The following PGCKA1 variants were observed in gnomAD, a reference collection of about 807,000 sequenced individuals.
The protein encoded by PGCKA1 is PDCD10 and GCKIII kinases associated 1.
chr4:37,539,952 A>G, the PGCKA1 span, among the ~76,000 whole-genome samples: 2 of 152,160 alleles, frequency 1.3e-5, no homozygotes, highest in Admixed American at 6.5e-5. Flanking sequence ...AACATTCAAA[A>G]GCCTCTCTTC....
At chr4:37,530,854 G>A in the PGCKA1 span, among the ~76,000 whole-genome samples, 31,799 of 151,764 alleles carry the variant, frequency 0.21, 3,448 homozygotes, top group Non-Finnish European at 0.24. Flanking sequence ...GTGTGGTGGT[G>A]GGCACCTGTA....
At chr4:37,517,250 T>G in the PGCKA1 span, among the ~76,000 whole-genome samples, 1 of 146,802 alleles carries the variant, frequency 6.8e-6, no homozygotes, top group African/African-American at 2.5e-5. Context: ...AAACTCCATC[T>G]CAAAAAATAT....
chr4:37,526,080 G>A, the PGCKA1 span, among the ~76,000 whole-genome samples: 1,028 of 152,282 alleles, frequency 6.8e-3, 45 homozygotes, highest in East Asian at 0.064. Context: ...TCAAAGCAAA[G>A]GACACAAGCA....
the PGCKA1 span, among the ~76,000 whole-genome samples, chr4:37,578,536 C>T: frequency 5.9e-3 from 903 of 152,144 alleles, 6 homozygotes; most frequent in African/African-American, 0.021. Context: ...CAGCTTAGTC[C>T]GTTTACATTT....
chr4:37,531,782 C>G, the PGCKA1 span, among the ~76,000 whole-genome samples: 1 of 150,244 alleles, frequency 6.7e-6, no homozygotes, highest in Non-Finnish European at 1.5e-5. Flanking sequence ...ATCCCAGCTA[C>G]TCGGGAGGCT....
the PGCKA1 span, among the ~76,000 whole-genome samples, chr4:37,547,513 A>G: frequency 6.6e-6 from 1 of 152,204 alleles, no homozygotes; most frequent in South Asian, 2.1e-4. Context: ...TTATAGTGTT[A>G]CATGACACCA....
the PGCKA1 span, among the ~76,000 whole-genome samples, chr4:37,499,944 A>G: frequency 1.9e-4 from 16 of 84,860 alleles, no homozygotes; most frequent in Non-Finnish European, 3.2e-4. Context: ...TTTTTTTGAG[A>G]TGGAGTCTCT....
the PGCKA1 span, among the ~76,000 whole-genome samples, chr4:37,466,484 T>C: frequency 2.6e-5 from 4 of 152,020 alleles, no homozygotes; most frequent in Non-Finnish European, 5.9e-5. Flanking sequence ...TGAGAAGCTA[T>C]TGAAGGTTTT....
At chr4:37,502,374 G>A in the PGCKA1 span, among the ~76,000 whole-genome samples, 1 of 152,240 alleles carries the variant, frequency 6.6e-6, no homozygotes, top group African/African-American at 2.4e-5. Flanking sequence ...GCACACAGTT[G>A]TGCTGGTGGT....
chr4:37,460,005 A>G, the PGCKA1 span, among the ~76,000 whole-genome samples: 77,853 of 151,592 alleles, frequency 0.51, 20,215 homozygotes, highest in African/African-American at 0.54. Flanking sequence ...CCCTCCCTAC[A>G]GCCCCGGTGT....
the PGCKA1 span, among the ~76,000 whole-genome samples, chr4:37,561,693 A>T: frequency 6.6e-6 from 1 of 152,348 alleles, no homozygotes; most frequent in Non-Finnish European, 1.5e-5. Context: ...TATGTTCTAT[A>T]AAGTCACTTC....
At chr4:37,527,613 A>G in the PGCKA1 span, among the ~76,000 whole-genome samples, 9 of 151,410 alleles carry the variant, frequency 5.9e-5, no homozygotes, top group Admixed American at 5.9e-4. Flanking sequence ...AGGTCAGGAG[A>G]TTGAGACCAT....
chr4:37,462,962 CAA>C, the PGCKA1 span, among the ~76,000 whole-genome samples: 19 of 60,302 alleles, frequency 3.2e-4, no homozygotes, highest in African/African-American at 4.2e-4. Flanking sequence ...GACTCAGTAT[CAA>C]AAAAAAAAAA....
the PGCKA1 span, among the ~76,000 whole-genome samples, chr4:37,554,171 T>C: frequency 1.3e-5 from 2 of 151,482 alleles, no homozygotes; most frequent in Admixed American, 1.3e-4. Flanking sequence ...CCTCCTGACA[T>C]GTAAGATGTG....
chr4:37,566,630 C>A, the PGCKA1 span, among the ~76,000 whole-genome samples: 5 of 152,172 alleles, frequency 3.3e-5, no homozygotes, highest in Non-Finnish European at 5.9e-5. Context: ...ATTGGCCAGG[C>A]TGGAGTGCAA....
chr4:37,542,729 A>T, the PGCKA1 span, among the ~76,000 whole-genome samples: 1 of 152,184 alleles, frequency 6.6e-6, no homozygotes, highest in African/African-American at 2.4e-5. Context: ...AGTATTTACC[A>T]TTTTGACTGT....
At chr4:37,581,319 C>A in the PGCKA1 span, among the ~76,000 whole-genome samples, 1 of 152,114 alleles carries the variant, frequency 6.6e-6, no homozygotes, top group East Asian at 1.9e-4. This position sits in a 1 kb window ranked among gnomAD's most constrained non-coding sequence, Gnocchi z 4.4. Context: ...AGTCTCTCCC[C>A]ATAGCCACCA....
At chr4:37,509,322 A>G in the PGCKA1 span, among the ~76,000 whole-genome samples, 1 of 121,732 alleles carries the variant, frequency 8.2e-6, no homozygotes, top group African/African-American at 3.3e-5. Context: ...CACTTCTCAG[A>G]CAGGGCGGCC....
At chr4:37,564,569 C>T in the PGCKA1 span, among the ~76,000 whole-genome samples, 10 of 152,014 alleles carry the variant, frequency 6.6e-5, no homozygotes, top group Middle Eastern at 3.4e-3. Flanking sequence ...TGCAGTGGCG[C>T]GATCTTGGCT....
Sources: gnomAD v4.1 joint callset for allele counts (sites outside exome capture counted in the v4.1 genomes callset) on GRCh38, gnomAD v4.1.1 for gene constraint, Gnocchi (gnomAD v3.1) non-coding constraint, MANE v1.5 for transcripts, NCBI Gene and HGNC (gene_info 2026-07-23, HGNC 2026-07-21) for gene names.